TRAPPC5: variants seen among roughly 807,000 people sequenced by gnomAD.
TRAPPC5 encodes the protein trafficking protein particle complex 5.
Under a neutral mutation model 9.8 loss-of-function variants are expected in TRAPPC5, and 5 were observed. That is an observed-to-expected ratio of 0.51 (90% CI 0.27 to 1.07). The LOEUF (loss-of-function observed/expected upper bound fraction) is 1.07, where lower values mean the gene tolerates loss of function less well. TRAPPC5 is among the 50% of genes least tolerant of loss of function. The probability of loss-of-function intolerance (pLI) is 0.12; values close to 1 mark genes in which losing one functional copy is unlikely to be tolerated. For missense variants in TRAPPC5, 243 were observed against 291.5 expected (o/e 0.83, Z 1.21); for synonymous variants, 146 against 140.7 (o/e 1.04, Z -0.26).
In TRAPPC5 at chr19:7,680,861, A is replaced by T. The variant is rs1314546215; in HGVS notation, c.-30A>T. ...GCGCCGTAAAGCAGCTCGGCCGAGC[A>T]GACTGCTGCGGTTCCTGGTGAGACC... On this transcript the variant is annotated 5_prime_UTR_variant, in exon 1 of 2. Coordinates refer to ENST00000596148, the MANE Select transcript of TRAPPC5 (RefSeq NM_001042462.2). 1 of 152,258 alleles carries T rather than the reference A, an allele frequency of 6.6e-6. No homozygotes were observed. Among genetic ancestry groups the T allele is most frequent in the Non-Finnish European group, 1.5e-5 (1 of 68,076 alleles). 9.4% of individuals were successfully genotyped at this position (152,258 alleles called of 1,614,324 possible).
Position 7,682,853 on chromosome 19 carries a change from T to G in TRAPPC5, c.*33T>G. ...GGAGATAAAGGATACAGAGAGCCCCTCCCCACGTGTGTCTTGTGTCTTGTG... is the reference window on the plus strand; with the variant it reads ...GGAGATAAAGGATACAGAGAGCCCCGCCCCACGTGTGTCTTGTGTCTTGTG... On this transcript the variant is annotated 3_prime_UTR_variant, in exon 2 of 2. Transcript: ENST00000596148. The surrounding 1 kb of genome is among the most constrained non-coding windows in gnomAD (Gnocchi z 8.6). The G allele has an allele frequency of 6.6e-7, 1 of 1,526,186 alleles. No homozygotes were observed. The allele number at this position is 1,526,186 out of a possible 1,614,324, so 94.5% of individuals were successfully genotyped here. A position where few individuals can be genotyped will look rare whatever the true frequency, so the allele number is the denominator to read the frequency against.
Position 7,682,722 on chromosome 19 carries a change from C to G in TRAPPC5, c.469C>G (p.Pro157Ala). The change falls in exon 2 of 2, where the codon CCT (proline) becomes GCT (alanine). Residue 157 changes from proline (P) to alanine (A), a missense_variant. By Grantham distance (27) the Pro-to-Ala change is conservative. Transcript: ENST00000596148. This position sits in a 1 kb window ranked among gnomAD's most constrained non-coding sequence, Gnocchi z 8.6. ...VEAVLTHSGF[P>A]AKVTAHWHKG... is the part of the protein sequence containing the mutation. Reference sequence around the variant, plus strand: ...GGCGGTGCTCACACACAGCGGCTTCCCTGCCAAGGTCACGGCGCACTGGCA... The same window carrying G: ...GGCGGTGCTCACACACAGCGGCTTCGCTGCCAAGGTCACGGCGCACTGGCA... 2 of 1,612,692 alleles carry G rather than the reference C, an allele frequency of 1.2e-6. No individual in the cohort carries two copies. The highest frequency in any genetic ancestry group is 8.5e-7 in the Non-Finnish European group (1 of 1,179,528).
rs1359739580 is a variant in TRAPPC5 at position 7,683,520 on chromosome 19, C to T, written c.*700C>T. 6.6e-6 allele frequency: 1 copy of T among 151,626 alleles called. No individual in the cohort carries two copies. Among genetic ancestry groups the T allele is most frequent in the African/African-American group, 2.4e-5 (1 of 41,192 alleles). The allele number at this position is 151,626 out of a possible 1,614,324, so 9.4% of individuals were successfully genotyped here. On this transcript the variant is annotated 3_prime_UTR_variant, in exon 2 of 2. Transcript: ENST00000596148. ...CAGGCGTGAGCCACTGCTGTGCCGC[C>T]ATGTGCTCTTGCCCCATTACTCCGC...
Position 7,681,674 on chromosome 19 carries a change from C to A in TRAPPC5, c.-12-568C>A, listed in dbSNP as rs2032638686. 6.6e-6 allele frequency among the ~76,000 whole-genome samples: 1 copy of A among 152,032 alleles called. No homozygotes were observed. Among genetic ancestry groups the A allele is most frequent in the African/African-American group, 2.4e-5 (1 of 41,392 alleles). ...CCTCCTGGCTTTTGGTCTTGACACG[C>A]TCCTACCCCACTCCCACCCTCCACC... On this transcript the variant is annotated intron_variant, in intron 1 of 1. Transcript: ENST00000596148. The surrounding 1 kb of genome is among the most constrained non-coding windows in gnomAD (Gnocchi z 8.7).
At position 7,686,643 on chromosome 19, in the gene TRAPPC5, G is replaced by A. The variant is rs2032720635; in HGVS notation, c.*3823G>A. The A allele has an allele frequency of 6.6e-6, 1 of 151,802 alleles. No individual in the cohort carries two copies. The highest frequency in any genetic ancestry group is 2.4e-5 in the African/African-American group (1 of 41,214). 9.4% of individuals were successfully genotyped at this position (151,802 alleles called of 1,614,324 possible). A position where few individuals can be genotyped will look rare whatever the true frequency, so the allele number is the denominator to read the frequency against. ...TCCTGCTTCAGCCTCCTGAATAGTTGGGACTATAGGCATCCGCCACCACAC... is the reference window on the plus strand; with the variant it reads ...TCCTGCTTCAGCCTCCTGAATAGTTAGGACTATAGGCATCCGCCACCACAC... On this transcript the variant is annotated 3_prime_UTR_variant, in exon 2 of 2. Transcript: ENST00000596148.
In TRAPPC5 at chr19:7,685,291, T is replaced by C. The variant is rs962894936; in HGVS notation, c.*2471T>C. The C allele has an allele frequency of 6.6e-6, 1 of 151,872 alleles. No individual in the cohort carries two copies. Among genetic ancestry groups the C allele is most frequent in the Non-Finnish European group, 1.5e-5 (1 of 67,970 alleles). The allele number at this position is 151,872 out of a possible 1,614,324, so 9.4% of individuals were successfully genotyped here. A position where few individuals can be genotyped will look rare whatever the true frequency, so the allele number is the denominator to read the frequency against. On this transcript the variant is annotated 3_prime_UTR_variant, in exon 2 of 2. Transcript: ENST00000596148. ...GTCTTAAAAAAGAAAAAAAAAGTAATGTATTACACCTCAGGCAATTTTCCT... is the reference window on the plus strand; with the variant it reads ...GTCTTAAAAAAGAAAAAAAAAGTAACGTATTACACCTCAGGCAATTTTCCT...
At position 7,685,100 on chromosome 19, in the gene TRAPPC5, T is replaced by A. The variant is rs1369972785; in HGVS notation, c.*2280T>A. ...AACCTGGTCAACATGGCAAAACCCA[T>A]CTTTACTAAAAATACAAAAATTAGC... is the stretch of plus-strand genomic sequence containing the variant. On this transcript the variant is annotated 3_prime_UTR_variant, in exon 2 of 2. Transcript: ENST00000596148. The A allele has an allele frequency of 6.6e-6, 1 of 152,030 alleles. No homozygotes were observed. Among genetic ancestry groups the A allele is most frequent in the African/African-American group, 2.4e-5 (1 of 41,368 alleles). The allele number at this position is 152,030 out of a possible 1,614,324, so 9.4% of individuals were successfully genotyped here.
Position 7,682,547 on chromosome 19 carries a change from C to G in TRAPPC5, c.294C>G (p.Phe98Leu). The change falls in exon 2 of 2, where the codon TTC becomes TTG. Residue 98 changes from phenylalanine to leucine, a missense_variant. By Grantham distance (22) the Phe-to-Leu change is conservative. Around this residue, in one of 2 missense-constraint regions of TRAPPC5, gnomAD observed 154 missense variants for 215.8 expected, o/e 0.71. Coordinates refer to ENST00000596148, the MANE Select transcript of TRAPPC5 (RefSeq NM_001042462.2). The surrounding 1 kb of genome is among the most constrained non-coding windows in gnomAD (Gnocchi z 8.6). ...AGGGCGCCGTGTGGAAGGCGCTCTT[C>G]GGCAAGGAGGCGGACAAGCTGGAGC... ...FVKGAVWKAL[F>L]GKEADKLEQA... is the part of the protein sequence containing the mutation. The G allele has an allele frequency of 6.2e-7, 1 of 1,612,848 alleles. No homozygotes were observed. Among genetic ancestry groups the G allele is most frequent in the Middle Eastern group, 1.6e-4 (1 of 6,062 alleles).
chr19:7,682,530 G>C lies in TRAPPC5; in HGVS notation c.277G>C (p.Val93Leu). Residue 93 changes from valine to leucine, a missense_variant, in exon 2 of 2, where the codon GTG becomes CTG. By Grantham distance (32) the Val-to-Leu change is conservative. Transcript: ENST00000596148. This position sits in a 1 kb window ranked among gnomAD's most constrained non-coding sequence, Gnocchi z 8.6. ...CGCGTTGCTCTTCGTCAAGGGCGCC[G>C]TGTGGAAGGCGCTCTTCGGCAAGGA... ...LGALLFVKGAVWKALFGKEAD... is the reference protein window; with the variant it reads ...LGALLFVKGALWKALFGKEAD... 6.2e-7 allele frequency: 1 copy of C among 1,613,088 alleles called. No homozygotes were observed. Among genetic ancestry groups the C allele is most frequent in the South Asian group, 1.1e-5 (1 of 91,084 alleles).
At position 7,682,949 on chromosome 19, in the gene TRAPPC5, G is replaced by A. The variant is rs2146259197; in HGVS notation, c.*129G>A. 3 of 1,091,160 alleles carry A rather than the reference G, an allele frequency of 2.7e-6. No homozygotes were observed. Among genetic ancestry groups the A allele is most frequent in the Non-Finnish European group, 3.9e-6 (3 of 767,634 alleles). 67.6% of individuals were successfully genotyped at this position (1,091,160 alleles called of 1,614,324 possible). On this transcript the variant is annotated 3_prime_UTR_variant, in exon 2 of 2. Coordinates refer to ENST00000596148, the MANE Select transcript of TRAPPC5 (RefSeq NM_001042462.2). The surrounding 1 kb of genome is among the most constrained non-coding windows in gnomAD (Gnocchi z 8.6). Reference sequence around the variant, plus strand: ...CAGGCTGGGGAGGGAGGCCAGGTCCGAATGTGTTTACAGTAGAGTGGGGGC... The same window carrying A: ...CAGGCTGGGGAGGGAGGCCAGGTCCAAATGTGTTTACAGTAGAGTGGGGGC...
In TRAPPC5 at chr19:7,685,660, G is replaced by T. The variant is rs2032708155; in HGVS notation, c.*2840G>T. 1 of 152,448 alleles carries T rather than the reference G, an allele frequency of 6.6e-6. No individual in the cohort carries two copies. 9.4% of individuals were successfully genotyped at this position (152,448 alleles called of 1,614,324 possible). On this transcript the variant is annotated 3_prime_UTR_variant, in exon 2 of 2. Transcript: ENST00000596148. ...GCAGGGTGGGCTTCAGCACACTGGG[G>T]AGAAGGTGGCGTCTCTAGGATGAAT...
In TRAPPC5 at chr19:7,682,322, G is replaced by A. The variant is rs769926634; in HGVS notation, c.69G>A (p.Glu23=). 13 of 1,532,790 alleles carry A rather than the reference G, an allele frequency of 8.5e-6. No individual in the cohort carries two copies. Among genetic ancestry groups the A allele is most frequent in the Middle Eastern group, 3.9e-4 (2 of 5,178 alleles). 94.9% of individuals were successfully genotyped at this position (1,532,790 alleles called of 1,614,324 possible). A position where few individuals can be genotyped will look rare whatever the true frequency, so the allele number is the denominator to read the frequency against. ...GCGCGCTGGCGCGGCCGCGCACCGA[G>A]GTGAGCCTGAGCGCCTTCGCACTGC... is the stretch of plus-strand genomic sequence containing the variant. The part of the protein sequence containing the change: ...LERALARPRT[E]VSLSAFALLF... The change falls in exon 2 of 2, where the codon GAG becomes GAA. Residue 23 remains glutamate (E), a synonymous_variant. Transcript: ENST00000596148. This position sits in a 1 kb window ranked among gnomAD's most constrained non-coding sequence, Gnocchi z 8.6.
chr19:7,685,941 A>G lies in TRAPPC5; in HGVS notation c.*3121A>G, dbSNP rs1568484134. ...GGATGGGGGACGGAGGGAGGGGAAC[A>G]TGGTGTCTGAGAAGCTGGATTTCAG... On this transcript the variant is annotated 3_prime_UTR_variant, in exon 2 of 2. Transcript: ENST00000596148. The G allele has an allele frequency of 6.6e-6, 1 of 152,416 alleles. No homozygotes were observed. The highest frequency in any genetic ancestry group is 2.1e-4 in the South Asian group (1 of 4,840). 9.4% of individuals were successfully genotyped at this position (152,416 alleles called of 1,614,324 possible).
chr19:7,682,354 C>A lies in TRAPPC5; in HGVS notation c.101C>A (p.Ser34Tyr), dbSNP rs866132571. Residue 34 changes from serine to tyrosine, a missense_variant, in exon 2 of 2, where the codon TCC becomes TAC. Coordinates refer to ENST00000596148, the MANE Select transcript of TRAPPC5 (RefSeq NM_001042462.2). This position sits in a 1 kb window ranked among gnomAD's most constrained non-coding sequence, Gnocchi z 8.6. ...CTGAGCGCCTTCGCACTGCTGTTCT[C>A]CGAGCTGGTACAGCACTGCCAGAGC... ...VSLSAFALLF[S>Y]ELVQHCQSRV... is the part of the protein sequence containing the mutation. 6.4e-7 allele frequency: 1 copy of A among 1,563,062 alleles called. No individual in the cohort carries two copies. Among genetic ancestry groups the A allele is most frequent in the African/African-American group, 1.4e-5 (1 of 73,194 alleles).
chr19:7,681,792 T>A lies in TRAPPC5; in HGVS notation c.-12-450T>A, dbSNP rs912003966. On this transcript the variant is annotated intron_variant, in intron 1 of 1. Coordinates refer to ENST00000596148, the MANE Select transcript of TRAPPC5 (RefSeq NM_001042462.2). The surrounding 1 kb of genome is among the most constrained non-coding windows in gnomAD (Gnocchi z 8.7). ...AGGGCGGGGCAGGAGCGACTGCCCA[T>A]ATCCCCTCGTGGTGCCTCATCTTTG... is the stretch of plus-strand genomic sequence containing the variant. Among the ~76,000 whole-genome samples, 1 of 151,944 alleles carries A rather than the reference T, an allele frequency of 6.6e-6. No homozygotes were observed. The highest frequency in any genetic ancestry group is 2.4e-5 in the African/African-American group (1 of 41,464).
In TRAPPC5 at chr19:7,682,707, A is replaced by T. The variant is rs2032664885; in HGVS notation, c.454A>T (p.Thr152Ser). 1.2e-6 allele frequency: 2 copies of T among 1,612,846 alleles called. No homozygotes were observed. The highest frequency in any genetic ancestry group is 1.7e-5 in the Admixed American group (1 of 59,892). The change falls in exon 2 of 2, where the codon ACA becomes TCA. Residue 152 changes from threonine to serine, a missense_variant. Transcript: ENST00000596148. The surrounding 1 kb of genome is among the most constrained non-coding windows in gnomAD (Gnocchi z 8.6). The stretch of plus-strand genomic sequence containing the variant: ...GGCGGGCATCGTGGAGGCGGTGCTC[A>T]CACACAGCGGCTTCCCTGCCAAGGT... ...FTAGIVEAVL[T>S]HSGFPAKVTA...
rs754466691 is a variant in TRAPPC5, at chr19:7,683,228, T to C, written c.*408T>C. The C allele has an allele frequency of 4.0e-5, 7 of 173,512 alleles. No homozygotes were observed. The highest frequency in any genetic ancestry group is 5.9e-5 in the Admixed American group (1 of 17,012). 10.7% of individuals were successfully genotyped at this position (173,512 alleles called of 1,614,324 possible). A position where few individuals can be genotyped will look rare whatever the true frequency, so the allele number is the denominator to read the frequency against. On this transcript the variant is annotated 3_prime_UTR_variant, in exon 2 of 2. Coordinates refer to ENST00000596148, the MANE Select transcript of TRAPPC5 (RefSeq NM_001042462.2). ...GCCATGTGGTCTTTATTATTATTTT[T>C]TTTATTTGTTGAGATAGAGTCTTGC...
rs981824773 is a variant in TRAPPC5, at chr19:7,681,968, C to G, written c.-12-274C>G. ...GTGGTTTCGGCCTCCTCTTCTGTTCCCCCTCGTGTCTCTCCTCCCACCTTG... is the reference window on the plus strand; with the variant it reads ...GTGGTTTCGGCCTCCTCTTCTGTTCGCCCTCGTGTCTCTCCTCCCACCTTG... On this transcript the variant is annotated intron_variant, in intron 1 of 1. Transcript: ENST00000596148. The surrounding 1 kb of genome is among the most constrained non-coding windows in gnomAD (Gnocchi z 8.7). Among the ~76,000 whole-genome samples, 1 of 152,156 alleles carries G rather than the reference C, an allele frequency of 6.6e-6. No individual in the cohort carries two copies. The highest frequency in any genetic ancestry group is 2.4e-5 in the African/African-American group (1 of 41,440).
At position 7,681,879 on chromosome 19, in the gene TRAPPC5, G is replaced by T. The variant is rs1453593083; in HGVS notation, c.-12-363G>T. On this transcript the variant is annotated intron_variant, in intron 1 of 1. Transcript: ENST00000596148. The surrounding 1 kb of genome is among the most constrained non-coding windows in gnomAD (Gnocchi z 8.7). Reference sequence around the variant, plus strand: ...ATACACTAGTTTTCTAGTTACTCCTGTAGGTGGCGGAGCGGGCAGGAAGGC... The same window carrying T: ...ATACACTAGTTTTCTAGTTACTCCTTTAGGTGGCGGAGCGGGCAGGAAGGC... 6.6e-6 allele frequency among the ~76,000 whole-genome samples: 1 copy of T among 152,096 alleles called. No individual in the cohort carries two copies. The highest frequency in any genetic ancestry group is 1.5e-5 in the Non-Finnish European group (1 of 68,014).
Sources: allele counts gnomAD v4.1 joint callset (sites outside exome capture counted in the v4.1 genomes callset), GRCh38; gene constraint gnomAD v4.1.1; regional missense constraint gnomAD v4.1.1; non-coding constraint Gnocchi (gnomAD v3.1); transcripts MANE v1.5; gene names NCBI Gene and HGNC (gene_info 2026-07-23, HGNC 2026-07-21).